The following SAMMSON variants were observed in gnomAD, a reference collection of about 807,000 sequenced individuals.
SAMMSON encodes long intergenic non-protein coding RNA 1212.
chr3:70,259,765 G>A (rs958682577), intron 6 of SAMMSON, among the ~76,000 whole-genome samples: 5 of 152,098 alleles, frequency 3.3e-5, no homozygotes, highest in Non-Finnish European at 7.4e-5. Flanking sequence ...TTTTCATACC[G>A]GTATAAAAAC....
At chr3:70,422,096 G>T (rs1701317583) in intron 2 of SAMMSON, among the ~76,000 whole-genome samples, 1 of 150,166 alleles carries the variant, frequency 6.7e-6, no homozygotes, top group South Asian at 2.1e-4. Flanking sequence ...GTTAGATGAG[G>T]TATGATGTTC....
chr3:70,386,492 A>G (rs985662721), intron 9 of SAMMSON, among the ~76,000 whole-genome samples: 7 of 152,126 alleles, frequency 4.6e-5, no homozygotes, highest in Admixed American at 2.0e-4. Flanking sequence ...ATAAGTGAGG[A>G]AGAAACCAAT....
intron 4 of SAMMSON, among the ~76,000 whole-genome samples, chr3:70,106,716 T>C (rs956202663): frequency 3.3e-5 from 5 of 152,084 alleles, no homozygotes; most frequent in Non-Finnish European, 5.9e-5. Context: ...AGGCAAGGCT[T>C]TACAAAGCTT....
intron 4 of SAMMSON, among the ~76,000 whole-genome samples, chr3:70,185,987 A>G (rs994516353): frequency 9.9e-5 from 15 of 152,070 alleles, no homozygotes; most frequent in Non-Finnish European, 2.1e-4. Flanking sequence ...AAAAAAACCC[A>G]GAAAACAAAA....
intron 4 of SAMMSON, among the ~76,000 whole-genome samples, chr3:70,144,288 G>A (rs548633837): frequency 6.6e-6 from 1 of 152,114 alleles, no homozygotes; most frequent in African/African-American, 2.4e-5. Flanking sequence ...TTTATAATGA[G>A]TATGCTGAAC....
intron 7 of SAMMSON, among the ~76,000 whole-genome samples, chr3:70,345,087 A>T (rs773162473): frequency 8.5e-5 from 13 of 152,326 alleles, no homozygotes; most frequent in Non-Finnish European, 1.6e-4. Flanking sequence ...CTATATCTAT[A>T]TGAAATTAAA....
At chr3:70,387,152 G>T (rs1352138194) in intron 9 of SAMMSON, among the ~76,000 whole-genome samples, 3 of 151,984 alleles carry the variant, frequency 2.0e-5, no homozygotes, top group Non-Finnish European at 2.9e-5. Context: ...CACCAAAAGA[G>T]CACTTTTTAG....
intron 4 of SAMMSON, among the ~76,000 whole-genome samples, chr3:70,208,691 A>G (rs1212025290): frequency 6.6e-6 from 1 of 152,042 alleles, no homozygotes; most frequent in Non-Finnish European, 1.5e-5. Flanking sequence ...TGACTTGTGC[A>G]TCAGTGATTT....
chr3:70,037,663 C>G (rs966791202), intron 3 of SAMMSON, among the ~76,000 whole-genome samples: 2 of 152,168 alleles, frequency 1.3e-5, no homozygotes, highest in Non-Finnish European at 1.5e-5. Context: ...GTTTCTGTCA[C>G]TTGGGAAGAA....
chr3:70,210,932 T>G (rs1292944390), intron 4 of SAMMSON, among the ~76,000 whole-genome samples: 1 of 152,094 alleles, frequency 6.6e-6, no homozygotes, highest in Non-Finnish European at 1.5e-5. Context: ...CAATTAACAT[T>G]TATTGAGTAC....
intron 4 of SAMMSON, among the ~76,000 whole-genome samples, chr3:70,132,908 C>G (rs1405405048): frequency 6.6e-6 from 1 of 152,042 alleles, no homozygotes; most frequent in Non-Finnish European, 1.5e-5. Context: ...AATGTACATT[C>G]CCATCGCTGA....
intron 4 of SAMMSON, among the ~76,000 whole-genome samples, chr3:70,078,562 TG>T (rs1445787959): frequency 4.6e-5 from 7 of 152,160 alleles, no homozygotes; most frequent in African/African-American, 1.7e-4. Context: ...AATTTTTCAG[TG>T]TGGTTACCTC....
chr3:70,133,593 G>A (rs1429363253), intron 4 of SAMMSON, among the ~76,000 whole-genome samples: 15 of 152,110 alleles, frequency 9.9e-5, no homozygotes, highest in African/African-American at 3.6e-4. Context: ...ACAGTCTGGG[G>A]CTTGTGACTG....
At chr3:70,245,914 T>C (rs936125703) in intron 4 of SAMMSON, among the ~76,000 whole-genome samples, 2 of 151,412 alleles carry the variant, frequency 1.3e-5, no homozygotes, top group Non-Finnish European at 3.0e-5. Flanking sequence ...GTTATTAGCA[T>C]AGGCATATTA....
At chr3:70,184,516 A>G (rs1293230927) in intron 4 of SAMMSON, among the ~76,000 whole-genome samples, 1 of 152,204 alleles carries the variant, frequency 6.6e-6, no homozygotes, top group East Asian at 1.9e-4. Context: ...CTCCACTTAC[A>G]TAGAAGTTTA....
chr3:70,274,317 A>T (rs1702001849), intron 6 of SAMMSON, among the ~76,000 whole-genome samples: 1 of 152,124 alleles, frequency 6.6e-6, no homozygotes, highest in Non-Finnish European at 1.5e-5. Context: ...ACTTATGGAA[A>T]TGAAACAAGG....
intron 4 of SAMMSON, among the ~76,000 whole-genome samples, chr3:70,247,936 G>C (rs1448784744): frequency 6.6e-6 from 1 of 151,930 alleles, no homozygotes; most frequent in Non-Finnish European, 1.5e-5. Flanking sequence ...TTTTAGATGA[G>C]ATCAATCATT....
At chr3:70,217,025 C>T (rs1449461412) in intron 4 of SAMMSON, among the ~76,000 whole-genome samples, 1 of 152,144 alleles carries the variant, frequency 6.6e-6, no homozygotes, top group Non-Finnish European at 1.5e-5. Flanking sequence ...ATTGCTATCA[C>T]ATCACTCTTT....
At chr3:70,195,193 C>T (rs1181623342) in intron 4 of SAMMSON, among the ~76,000 whole-genome samples, 1 of 152,178 alleles carries the variant, frequency 6.6e-6, no homozygotes, top group Non-Finnish European at 1.5e-5. Flanking sequence ...GCCTTATGTT[C>T]CCTTCCTGTT....
Sources: allele counts gnomAD v4.1 joint callset (sites outside exome capture counted in the v4.1 genomes callset), GRCh38; gene constraint gnomAD v4.1.1; transcripts MANE v1.5; gene names NCBI Gene and HGNC (gene_info 2026-07-23, HGNC 2026-07-21).